TENM4: variants seen among roughly 807,000 people sequenced by gnomAD.
The protein encoded by TENM4 is teneurin transmembrane protein 4, also known as teneurin-4.
Under a neutral mutation model 243.3 loss-of-function variants are expected in TENM4, and 82 were observed. The observed-to-expected ratio is 0.34, with a 90% CI of 0.28 to 0.40. The LOEUF (loss-of-function observed/expected upper bound fraction) is 0.40. Among genes scored for constraint, TENM4 ranks in the 10% least tolerant of loss-of-function variants. The pLI, the probability that TENM4 is intolerant of heterozygous loss-of-function variation, is 1.00. For synonymous variants in TENM4, 1,412 were observed against 1,456.3 expected (o/e 0.97, Z 0.69); for missense variants, 3,138 against 3,673.3 (o/e 0.85, Z 3.77).
intron 5 of TENM4, among the ~76,000 whole-genome samples, chr11:79,068,799 T>C (rs1022138345): frequency 9.9e-5 from 15 of 152,082 alleles, no homozygotes; most frequent in African/African-American, 3.6e-4. Context: ...GTCTGGAAAC[T>C]TGAGCAGTTC....
intron 12 of TENM4, among the ~76,000 whole-genome samples, chr11:78,839,954 G>T (rs1307965629): frequency 1.3e-5 from 2 of 152,144 alleles, no homozygotes; most frequent in South Asian, 4.1e-4. Context: ...GCCTCTGCCT[G>T]CCTTCAACAC....
Position 79,438,397 on chromosome 11 carries a change from G to A in TENM4, c.-321+2112C>T, listed in dbSNP as rs1037808617. On this transcript the variant is annotated intron_variant, in intron 1 of 33. Coordinates refer to ENST00000278550, the MANE Select transcript of TENM4 (RefSeq NM_001098816.3). This position sits in a 1 kb window ranked among gnomAD's most constrained non-coding sequence, Gnocchi z 4.1. ...CAAACTGCTGTCTGCAGAGGCGAGA[G>A]GCGAAGGAACGGAAGCCATACCCGA... Among the ~76,000 whole-genome samples, 1 of 152,236 alleles carries A rather than the reference G, an allele frequency of 6.6e-6. No homozygotes were observed. Among genetic ancestry groups the A allele is most frequent in the Non-Finnish European group, 1.5e-5 (1 of 68,046 alleles).
intron 9 of TENM4, among the ~76,000 whole-genome samples, chr11:78,870,036 T>G (rs959237489): frequency 6.6e-6 from 1 of 152,240 alleles, no homozygotes; most frequent in African/African-American, 2.4e-5. Flanking sequence ...GGTCTTTCTA[T>G]AAAAGCACTC....
At chr11:79,095,675 A>G (rs562614185) in intron 4 of TENM4, among the ~76,000 whole-genome samples, 1 of 152,304 alleles carries the variant, frequency 6.6e-6, no homozygotes, top group South Asian at 2.1e-4. Context: ...CAGACTCCCC[A>G]GTGCTCACTG....
chr11:79,236,094 T>C (rs938844020), intron 2 of TENM4, among the ~76,000 whole-genome samples: 30 of 152,150 alleles, frequency 2.0e-4, no homozygotes, highest in Non-Finnish European at 3.2e-4. Context: ...CCCTGGCCTA[T>C]ATGGTACTCA....
intron 3 of TENM4, among the ~76,000 whole-genome samples, chr11:79,162,204 A>G (rs1339432739): frequency 1.3e-5 from 2 of 152,212 alleles, no homozygotes; most frequent in African/African-American, 4.8e-5. Context: ...AGTGGTCAAG[A>G]TCATGGCCTT....
Position 78,818,071 on chromosome 11 carries a change from G to A in TENM4, c.1682-3676C>T, listed in dbSNP as rs75426483. Among the ~76,000 whole-genome samples the A allele has an allele frequency of 4.1e-3, 619 of 152,028 alleles. 8 individuals are homozygous for A. Among genetic ancestry groups the A allele is most frequent in the African/African-American group, 0.014 (587 of 41,428 alleles). Reference sequence around the variant, plus strand: ...GTTTACTCATTTATGTATTTGCCCTGGTATTCAATCCAGAGGAGGGTCTCA... The same window carrying A: ...GTTTACTCATTTATGTATTTGCCCTAGTATTCAATCCAGAGGAGGGTCTCA... On this transcript the variant is annotated intron_variant, in intron 12 of 33. Coordinates refer to ENST00000278550, the MANE Select transcript of TENM4 (RefSeq NM_001098816.3).
rs964750309 is a variant in TENM4, at chr11:78,762,394, T to C, written c.2540-5373A>G. 1.2e-4 allele frequency among the ~76,000 whole-genome samples: 19 copies of C among 152,176 alleles called. 1 individual carries two copies. The highest frequency in any genetic ancestry group is 1.0e-3 in the Admixed American group (16 of 15,278). ...ATAATGCAGTTTGGCCTTAGAGAACTGAAGTGGATAAACATGGTCATAGCA... is the reference window on the plus strand; with the variant it reads ...ATAATGCAGTTTGGCCTTAGAGAACCGAAGTGGATAAACATGGTCATAGCA... On this transcript the variant is annotated intron_variant, in intron 18 of 33. Coordinates refer to ENST00000278550, the MANE Select transcript of TENM4 (RefSeq NM_001098816.3).
chr11:78,785,318 T>C (rs759435469), intron 16 of TENM4, among the ~76,000 whole-genome samples: 1 of 152,106 alleles, frequency 6.6e-6, no homozygotes, highest in African/African-American at 2.4e-5. Flanking sequence ...GTGGCTGCCA[T>C]TGTGATGGAG....
chr11:79,224,771 C>A (rs536681263), intron 2 of TENM4, among the ~76,000 whole-genome samples: 1 of 152,232 alleles, frequency 6.6e-6, no homozygotes, highest in African/African-American at 2.4e-5. Flanking sequence ...GCCAACATGG[C>A]AAAACCCTGC....
chr11:78,662,186 T>G (rs1014259914), intron 32 of TENM4, among the ~76,000 whole-genome samples: 2 of 151,604 alleles, frequency 1.3e-5, no homozygotes, highest in Non-Finnish European at 2.9e-5. Flanking sequence ...TGTGCCTTCA[T>G]TTTCTTTCTT....
intron 29 of TENM4, among the ~76,000 whole-genome samples, chr11:78,687,386 A>T (rs1858711220): frequency 6.6e-6 from 1 of 152,216 alleles, no homozygotes; most frequent in Non-Finnish European, 1.5e-5. Context: ...ACAAAGAGCC[A>T]TCCAGCGGGC....
chr11:79,273,023 C>G (rs745336360), intron 2 of TENM4, among the ~76,000 whole-genome samples: 3 of 152,188 alleles, frequency 2.0e-5, no homozygotes, highest in Non-Finnish European at 4.4e-5. Flanking sequence ...AAACCAGCCT[C>G]TCTCTTTACA....
At chr11:79,259,094 A>G (rs1406157688) in intron 2 of TENM4, among the ~76,000 whole-genome samples, 2 of 152,336 alleles carry the variant, frequency 1.3e-5, no homozygotes, top group East Asian at 3.9e-4. Context: ...TATTTCTCAA[A>G]GGAGTTGGAG....
At chr11:78,733,997 T>A (rs771931007) in intron 20 of TENM4, among the ~76,000 whole-genome samples, 8 of 152,138 alleles carry the variant, frequency 5.3e-5, no homozygotes, top group Non-Finnish European at 1.2e-4. Context: ...GAGACCAGCC[T>A]GGTCAACATG....
intron 25 of TENM4, among the ~76,000 whole-genome samples, chr11:78,717,434 T>C (rs753216773): frequency 1.3e-5 from 2 of 152,022 alleles, no homozygotes; most frequent in Non-Finnish European, 2.9e-5. Flanking sequence ...TGGGAAGAGG[T>C]TGAGTGTTGG....
intron 3 of TENM4, among the ~76,000 whole-genome samples, chr11:79,201,477 G>A (rs990167506): frequency 5.7e-5 from 8 of 139,182 alleles, no homozygotes; most frequent in African/African-American, 1.9e-4. Flanking sequence ...TCAGAGTGGC[G>A]AAGGTCAAAA....
intron 6 of TENM4, among the ~76,000 whole-genome samples, chr11:79,021,950 G>C (rs572451472): frequency 2.6e-4 from 39 of 152,192 alleles, no homozygotes; most frequent in African/African-American, 8.9e-4. Flanking sequence ...CCCAGGGAGA[G>C]GTGTGTGTGT....
chr11:79,181,843 C>T (rs544395480), intron 3 of TENM4, among the ~76,000 whole-genome samples: 2 of 151,764 alleles, frequency 1.3e-5, no homozygotes, highest in Non-Finnish European at 2.9e-5. Flanking sequence ...AACACATTAC[C>T]GTTTACATTA....
Sources: gnomAD v4.1 joint callset for allele counts (sites outside exome capture counted in the v4.1 genomes callset) on GRCh38, gnomAD v4.1.1 for gene constraint, Gnocchi (gnomAD v3.1) non-coding constraint, MANE v1.5 for transcripts, NCBI Gene and HGNC (gene_info 2026-07-23, HGNC 2026-07-21) for gene names.